HDAC9: variants seen among roughly 807,000 people sequenced by gnomAD.
HDAC9 encodes histone deacetylase 9.
A neutral mutation model predicts 139.4 loss-of-function variants in HDAC9; 41 were observed. The observed-to-expected ratio is 0.29, with a 90% CI of 0.23 to 0.38. The LOEUF is 0.38. Among genes scored for constraint, HDAC9 ranks in the 10% least tolerant of loss-of-function variants. HDAC9 has a pLI of 1.00. For missense variants in HDAC9, 1,147 were observed against 1,297.0 expected, an observed-to-expected ratio of 0.88 and a Z score of 1.78; for synonymous variants, 517 against 476.2, an observed-to-expected ratio of 1.09 and a Z score of -1.12.
chr7:18,124,051 G>C (rs907428393), intron 1 of HDAC9, among the ~76,000 whole-genome samples: 2 of 152,104 alleles, frequency 1.3e-5, no homozygotes, highest in Non-Finnish European at 2.9e-5. Flanking sequence ...CCATTGGCCA[G>C]AACCCTGACT....
intron 15 of HDAC9, among the ~76,000 whole-genome samples, chr7:18,766,708 T>C (rs1461470160): frequency 2.0e-5 from 3 of 152,172 alleles, no homozygotes; most frequent in Non-Finnish European, 4.4e-5. Context: ...ATAAACCTTG[T>C]AGCTCAAAAC....
At chr7:18,221,045 G>GA (rs1255111417) in intron 2 of HDAC9, among the ~76,000 whole-genome samples, 1 of 150,586 alleles carries the variant, frequency 6.6e-6, no homozygotes, top group Non-Finnish European at 1.5e-5. Context: ...CACATACTTT[G>GA]AAAAATCGTA....
At chr7:18,246,395 A>T (rs1203346746) in intron 2 of HDAC9, among the ~76,000 whole-genome samples, 2 of 152,006 alleles carry the variant, frequency 1.3e-5, no homozygotes, top group Admixed American at 6.5e-5. Flanking sequence ...AACCATTTTT[A>T]GTGTACGATT....
At chr7:18,458,562 A>G (rs1042848674) in intron 1 of HDAC9, among the ~76,000 whole-genome samples, 1 of 152,248 alleles carries the variant, frequency 6.6e-6, no homozygotes, top group African/African-American at 2.4e-5. Flanking sequence ...GATTGAATTT[A>G]TTTAAAAGTT....
chr7:18,740,755 T>C (rs1787374204), intron 13 of HDAC9, among the ~76,000 whole-genome samples: 1 of 152,220 alleles, frequency 6.6e-6, no homozygotes, highest in Non-Finnish European at 1.5e-5. Flanking sequence ...AGGCAAAAGC[T>C]GGGCCTCTTG....
chr7:18,746,104 C>T (rs191270022), intron 13 of HDAC9, among the ~76,000 whole-genome samples: 3 of 151,880 alleles, frequency 2.0e-5, no homozygotes, highest in African/African-American at 7.2e-5. Context: ...TTCCTGGGCT[C>T]AAGCAATCCT....
At chr7:18,671,431 G>C (rs1327527157) in intron 12 of HDAC9, among the ~76,000 whole-genome samples, 3 of 151,944 alleles carry the variant, frequency 2.0e-5, no homozygotes, top group Admixed American at 1.3e-4. Flanking sequence ...ATGGCCAGGT[G>C]CCCTAACCAC....
intron 1 of HDAC9, among the ~76,000 whole-genome samples, chr7:18,319,905 T>C (rs895097961): frequency 1.3e-5 from 2 of 151,838 alleles, no homozygotes; most frequent in Admixed American, 1.3e-4. Context: ...AAAGTAATTT[T>C]CTTTTTCACA....
chr7:18,909,731 T>A (rs1280456746), intron 22 of HDAC9, among the ~76,000 whole-genome samples: 1 of 152,038 alleles, frequency 6.6e-6, no homozygotes, highest in Non-Finnish European at 1.5e-5. Flanking sequence ...CCCCAACGTA[T>A]GTTCTTGCTA....
chr7:18,939,079 T>G (rs2853554), intron 23 of HDAC9, among the ~76,000 whole-genome samples: 1 of 152,238 alleles, frequency 6.6e-6, no homozygotes, highest in Non-Finnish European at 1.5e-5. Flanking sequence ...TATGTATGTC[T>G]TATGGTAAAT....
At chr7:18,788,983 A>G (rs947830147) in intron 16 of HDAC9, among the ~76,000 whole-genome samples, 2 of 152,014 alleles carry the variant, frequency 1.3e-5, no homozygotes, top group Non-Finnish European at 2.9e-5. Flanking sequence ...CTAATCAACA[A>G]GCATGCCTGG....
In HDAC9 at chr7:18,234,234, C is replaced by T. The variant is rs192277754; in HGVS notation, c.25+71885C>T. ...AGTAGGGCCAAAACCAAGAACACAT[C>T]TTGGATGCTTCCCTCAAGGGTCTTA... On this transcript the variant is annotated intron_variant, in intron 2 of 12. Coordinates refer to the HDAC9 transcript ENST00000417496. Among the ~76,000 whole-genome samples the T allele has an allele frequency of 1.6e-4, 24 of 152,262 alleles. No individual in the cohort carries two copies. In the East Asian group the frequency reaches 4.3e-3, roughly 27 times the overall value.
intron 1 of HDAC9, among the ~76,000 whole-genome samples, chr7:18,309,281 C>T (rs1029199443): frequency 2.0e-5 from 3 of 152,048 alleles, no homozygotes; most frequent in Admixed American, 6.5e-5. Context: ...AAAAATATAC[C>T]GTGCCAGTGG....
intron 24 of HDAC9, 121 bp downstream of exon 24, chr7:18,954,351 A>G (rs374172107): frequency 3.0e-5 from 24 of 787,598 alleles, no homozygotes; most frequent in Non-Finnish European, 4.9e-5. Flanking sequence ...TGCGTTCTTA[A>G]GTATATATCT....
chr7:18,418,637 T>A (rs1437525816), intron 1 of HDAC9, among the ~76,000 whole-genome samples: 1 of 152,164 alleles, frequency 6.6e-6, no homozygotes, highest in East Asian at 1.9e-4. Context: ...TTATTCAATT[T>A]AAAGGACTTT....
intron 2 of HDAC9, among the ~76,000 whole-genome samples, chr7:18,280,258 C>G (rs1472930452): frequency 6.6e-6 from 1 of 152,010 alleles, no homozygotes; most frequent in African/African-American, 2.4e-5. Context: ...TTGAGACCAG[C>G]TTGGATAACA....
Position 18,352,517 on chromosome 7 carries a change from A to T in HDAC9, c.-42+62002A>T, listed in dbSNP as rs185777370. 6.4e-4 allele frequency among the ~76,000 whole-genome samples: 98 copies of T among 152,246 alleles called. 3 individuals carry two copies. Among genetic ancestry groups the T allele is most frequent in the African/African-American group, 2.3e-3 (95 of 41,566 alleles). The stretch of plus-strand genomic sequence containing the variant: ...GGGAGTCACCTCTGGAGGGCAGTGC[A>T]GTCTTATATTTGTTGCAGGAGCTCC... On this transcript the variant is annotated intron_variant, in intron 1 of 3. Transcript: ENST00000413509.
chr7:18,672,864 G>A (rs1228849731), intron 12 of HDAC9, among the ~76,000 whole-genome samples: 4 of 151,628 alleles, frequency 2.6e-5, no homozygotes, highest in African/African-American at 4.8e-5. Context: ...AAGTAATTGC[G>A]GTTTTTGCAA....
chr7:18,496,134 G>A, intron 1 of HDAC9, 111 bp downstream of exon 1: 1 of 1,412,804 alleles, frequency 7.1e-7, no homozygotes, highest in Non-Finnish European at 9.7e-7. Flanking sequence ...CAGGGAGGAG[G>A]GAGAACCAGC....
Sources: gnomAD v4.1 joint callset for allele counts (sites outside exome capture counted in the v4.1 genomes callset) on GRCh38, gnomAD v4.1.1 for gene constraint, MANE v1.5 for transcripts, NCBI Gene and HGNC (gene_info 2026-07-23, HGNC 2026-07-21) for gene names.